The following HECTD4 variants were observed in gnomAD, a reference collection of about 807,000 sequenced individuals.
HECTD4 encodes the protein probable E3 ubiquitin-protein ligase HECTD4.
Under a neutral mutation model 471.5 loss-of-function variants are expected in HECTD4, and 114 were observed. The ratio of observed to expected loss-of-function variants is 0.24; its 90% confidence interval spans 0.21 to 0.28. The LOEUF (loss-of-function observed/expected upper bound fraction) is 0.28. HECTD4 is among the 10% of genes least tolerant of loss of function. The probability of loss-of-function intolerance (pLI) is 1.00; values close to 1 mark genes in which losing one functional copy is unlikely to be tolerated. For synonymous variants in HECTD4, 2,012 were observed against 2,256.0 expected (o/e 0.89, Z 3.07); for missense variants, 3,866 against 5,651.5 (o/e 0.68, Z 10.13).
At chr12:112,242,547 A>C (rs1406007229) in intron 32 of HECTD4, among the ~76,000 whole-genome samples, 1 of 151,720 alleles carries the variant, frequency 6.6e-6, no homozygotes, top group African/African-American at 2.4e-5. Context: ...TGGGGAGGTC[A>C]AGGCTGCAGT....
chr12:112,350,614 C>G (rs2036233755), intron 1 of HECTD4, among the ~76,000 whole-genome samples: 1 of 152,162 alleles, frequency 6.6e-6, no homozygotes, highest in Non-Finnish European at 1.5e-5. Context: ...TTTTAGTGTT[C>G]TTGGATGAAT....
At position 112,213,535 on chromosome 12, in the gene HECTD4, A is replaced by T. The variant is rs549165744; in HGVS notation, c.7466-885T>A. 6.6e-6 allele frequency among the ~76,000 whole-genome samples: 1 copy of T among 151,360 alleles called. No homozygotes were observed. Among genetic ancestry groups the T allele is most frequent in the East Asian group, 1.9e-4 (1 of 5,130 alleles). On this transcript the variant is annotated intron_variant, in intron 48 of 75. Transcript: ENST00000682272. The surrounding 1 kb of genome is among the most constrained non-coding windows in gnomAD (Gnocchi z 4.0). The stretch of plus-strand genomic sequence containing the variant: ...CCCTGTCTCTACTAAAAATACAAAA[A>T]TTTCGCCGGGCTAGGTGGCAGGCAC...
At chr12:112,354,277 T>G (rs1407309095) in intron 1 of HECTD4, among the ~76,000 whole-genome samples, 5 of 151,894 alleles carry the variant, frequency 3.3e-5, no homozygotes, top group Non-Finnish European at 5.9e-5. Context: ...CCAAGACTGG[T>G]CTTGACCTCC....
intron 18 of HECTD4, 74 bp downstream of exon 18, chr12:112,261,229 TAA>T: frequency 1.4e-6 from 2 of 1,419,874 alleles, no homozygotes; most frequent in Non-Finnish European, 1.9e-6. Context: ...TTCTATATTC[TAA>T]AAAGATTTAA....
At position 112,381,653 on chromosome 12, in the gene HECTD4, G is replaced by A. The variant is rs2036892177; in HGVS notation, c.177+299C>T. On this transcript the variant is annotated intron_variant, in intron 1 of 75. Coordinates refer to ENST00000682272, the MANE Select transcript of HECTD4 (RefSeq NM_001388303.1). The surrounding 1 kb of genome is among the most constrained non-coding windows in gnomAD (Gnocchi z 4.1). Reference sequence around the variant, plus strand: ...GGGTGGTGGCGGTGGCTCCTCTGGGGCATGAAGGCCGAGCCAGGCGCTAGC... The same window carrying A: ...GGGTGGTGGCGGTGGCTCCTCTGGGACATGAAGGCCGAGCCAGGCGCTAGC... 6.6e-6 allele frequency among the ~76,000 whole-genome samples: 1 copy of A among 152,148 alleles called. No homozygotes were observed. Among genetic ancestry groups the A allele is most frequent in the African/African-American group, 2.4e-5 (1 of 41,446 alleles).
chr12:112,246,799 C>A, intron 29 of HECTD4, 102 bp downstream of exon 29: 2 of 1,053,008 alleles, frequency 1.9e-6, no homozygotes, highest in Non-Finnish European at 2.6e-6. Context: ...TCAGAGTACC[C>A]AAGAGTGAAT....
intron 32 of HECTD4, among the ~76,000 whole-genome samples, chr12:112,241,106 G>A (rs558073108): frequency 6.6e-6 from 1 of 152,258 alleles, no homozygotes; most frequent in South Asian, 2.1e-4. Flanking sequence ...AGACACTAAA[G>A]TGTTAACAGA....
intron 20 of HECTD4, 134 bp from the exon 21 acceptor site, chr12:112,256,652 T>C: frequency 2.2e-6 from 1 of 456,134 alleles, no homozygotes. Flanking sequence ...TTGATATCAG[T>C]GGCAATCAGA....
intron 7 of HECTD4, chr12:112,302,689 G>C (rs1213046804): frequency 2.1e-5 from 10 of 469,660 alleles, no homozygotes; most frequent in Non-Finnish European, 3.4e-5. Flanking sequence ...TGGGAGGCCA[G>C]TTAGCTGTTT....
intron 7 of HECTD4, among the ~76,000 whole-genome samples, chr12:112,294,551 AT>A (rs1479637977): frequency 5.3e-5 from 8 of 152,168 alleles, no homozygotes; most frequent in African/African-American, 1.9e-4. Flanking sequence ...CCATTCCATC[AT>A]CCCCCTCCGA....
intron 41 of HECTD4, among the ~76,000 whole-genome samples, chr12:112,229,244 T>C (rs2033315067): frequency 6.6e-6 from 1 of 152,100 alleles, no homozygotes; most frequent in African/African-American, 2.4e-5. Flanking sequence ...GGAGAATCAT[T>C]TGAACCCGGG....
In HECTD4 at chr12:112,274,941, C is replaced by T. The variant is rs1593999492; in HGVS notation, c.1707G>A (p.Val569=). ...SSLKILASSL[V]YNISDGQFTS... is the part of the protein sequence containing the mutation. ...TAAACTGACCATCCGAAATATTATA[C>T]ACCAAGCTGGAGGCTAGGACTTTGG... The change falls in exon 10 of 76, where the codon GTG becomes GTA. Residue 569 remains valine, a synonymous_variant. Coordinates refer to ENST00000682272, the MANE Select transcript of HECTD4 (RefSeq NM_001388303.1). The T allele has an allele frequency of 6.5e-7, 1 of 1,548,832 alleles. No individual in the cohort carries two copies.
At chr12:112,328,020 C>A (rs2035779906) in intron 1 of HECTD4, among the ~76,000 whole-genome samples, 1 of 152,118 alleles carries the variant, frequency 6.6e-6, no homozygotes, top group Non-Finnish European at 1.5e-5. Context: ...CAATTCAATT[C>A]ATTATATGAA....
chr12:112,356,250 T>C (rs929163859), intron 1 of HECTD4, among the ~76,000 whole-genome samples: 12 of 152,148 alleles, frequency 7.9e-5, no homozygotes, highest in African/African-American at 2.9e-4. Flanking sequence ...TATCAAATGA[T>C]TGCTAAAAAT....
At chr12:112,293,497 G>A (rs2034942289) in intron 7 of HECTD4, among the ~76,000 whole-genome samples, 3 of 152,042 alleles carry the variant, frequency 2.0e-5, no homozygotes, top group South Asian at 2.1e-4. Context: ...AGCCGAGATC[G>A]TGCCACTGTA....
intron 59 of HECTD4, among the ~76,000 whole-genome samples, chr12:112,191,522 C>A (rs2032077855): frequency 6.6e-6 from 1 of 152,108 alleles, no homozygotes; most frequent in African/African-American, 2.4e-5. Flanking sequence ...GGCTTGATCC[C>A]CCTCACATCC....
At chr12:112,314,432 GT>G (rs747935910) in intron 3 of HECTD4, 24 bp downstream of exon 3, 2 of 1,246,138 alleles carry the variant, frequency 1.6e-6, no homozygotes, top group Non-Finnish European at 2.3e-6. Context: ...TGGAAGGAGG[GT>G]AAGGATACAA....
intron 1 of HECTD4, among the ~76,000 whole-genome samples, chr12:112,367,860 C>CATAGAG (rs1286252783): frequency 3.6e-5 from 5 of 140,622 alleles, no homozygotes; most frequent in Non-Finnish European, 6.1e-5. Context: ...GCTAACACGT[C>CATAGAG]ATAGAGATAG....
chr12:112,381,021 AC>A lies in HECTD4; in HGVS notation c.177+930del, dbSNP rs1429009491. Among the ~76,000 whole-genome samples, 1 of 152,128 alleles carries A rather than the reference AC, an allele frequency of 6.6e-6. No homozygotes were observed. The highest frequency in any genetic ancestry group is 2.1e-4 in the South Asian group (1 of 4,826). ...TAAAAATTTGATGACACCCCATGCTACCTACACATCAAAATGTCATCCCACA... is the reference window on the plus strand; with the variant it reads ...TAAAAATTTGATGACACCCCATGCTACTACACATCAAAATGTCATCCCACA... On this transcript the variant is annotated intron_variant, in intron 1 of 75. Transcript: ENST00000682272. This position sits in a 1 kb window ranked among gnomAD's most constrained non-coding sequence, Gnocchi z 4.1.
Sources: allele counts gnomAD v4.1 joint callset (sites outside exome capture counted in the v4.1 genomes callset), GRCh38; gene constraint gnomAD v4.1.1; non-coding constraint Gnocchi (gnomAD v3.1); transcripts MANE v1.5; gene names NCBI Gene and HGNC (gene_info 2026-07-23, HGNC 2026-07-21).